The following TAFA1 variants were observed in gnomAD, a reference collection of about 807,000 sequenced individuals.
TAFA1 encodes TAFA chemokine like family member 1, also known as chemokine-like protein TAFA-1.
Under a neutral mutation model 18.5 loss-of-function variants are expected in TAFA1, and 4 were observed. That is an observed-to-expected ratio of 0.22 (90% CI 0.11 to 0.49). The LOEUF is 0.49. Among genes scored for constraint, TAFA1 ranks in the 20% least tolerant of loss-of-function variants. The probability of loss-of-function intolerance (pLI) is 0.98; values close to 1 mark genes in which losing one functional copy is unlikely to be tolerated. For synonymous variants in TAFA1, 56 were observed against 55.2 expected, an observed-to-expected ratio of 1.01 and a Z score of -0.06; for missense variants, 147 against 169.0, an observed-to-expected ratio of 0.87 and a Z score of 0.72.
intron 3 of TAFA1, among the ~76,000 whole-genome samples, chr3:68,523,795 G>A (rs572739249): frequency 9.2e-5 from 14 of 152,096 alleles, no homozygotes; most frequent in African/African-American, 3.4e-4. Flanking sequence ...TAAATCCAAG[G>A]GCAAAATGCA....
intron 2 of TAFA1, among the ~76,000 whole-genome samples, chr3:68,199,111 T>C (rs2066444862): frequency 6.6e-6 from 1 of 151,602 alleles, no homozygotes; most frequent in African/African-American, 2.4e-5. Flanking sequence ...GTTTCAATCT[T>C]ATTTGTTAAC....
At chr3:68,335,354 A>G (rs1249879874) in intron 2 of TAFA1, among the ~76,000 whole-genome samples, 1 of 152,208 alleles carries the variant, frequency 6.6e-6, no homozygotes. Context: ...TTGGGCTTCA[A>G]CTCTGAGTCT....
At chr3:68,482,031 GA>G (rs1338454300) in intron 3 of TAFA1, among the ~76,000 whole-genome samples, 2 of 152,150 alleles carry the variant, frequency 1.3e-5, no homozygotes, top group Non-Finnish European at 1.5e-5. Context: ...TGTTTTCTGA[GA>G]CGGAGTCTCG....
chr3:68,478,916 G>GTATATATA (rs71112646), intron 3 of TAFA1, among the ~76,000 whole-genome samples: 25 of 146,714 alleles, frequency 1.7e-4, no homozygotes, highest in African/African-American at 3.0e-4. Flanking sequence ...GTATATGTGT[G>GTATATATA]TATATATATA....
chr3:67,997,783 A>T, the TAFA1 span, among the ~76,000 whole-genome samples: 1 of 152,128 alleles, frequency 6.6e-6, no homozygotes, highest in Non-Finnish European at 1.5e-5. Flanking sequence ...GATCCTATAG[A>T]AAAAGAAAGG....
At chr3:68,000,356 T>G (rs1480811403), upstream of TAFA1, among the ~76,000 whole-genome samples, 1 of 152,168 alleles carries the variant, frequency 6.6e-6, no homozygotes, top group Non-Finnish European at 1.5e-5. Context: ...GTATTTAAGA[T>G]TCTAGAGGTG....
At chr3:68,324,587 T>C (rs922151776) in intron 2 of TAFA1, among the ~76,000 whole-genome samples, 5 of 152,186 alleles carry the variant, frequency 3.3e-5, no homozygotes, top group South Asian at 2.1e-4. Context: ...TTGCCCTGAA[T>C]TGAATGCTCA....
At chr3:68,075,681 T>C (rs1373854731) in intron 2 of TAFA1, among the ~76,000 whole-genome samples, 3 of 150,628 alleles carry the variant, frequency 2.0e-5, no homozygotes, top group African/African-American at 7.3e-5. Context: ...CAAGAACGAC[T>C]ATCTTTTCTT....
intron 2 of TAFA1, among the ~76,000 whole-genome samples, chr3:68,376,416 C>T (rs990352917): frequency 6.6e-6 from 1 of 152,024 alleles, no homozygotes; most frequent in African/African-American, 2.4e-5. Flanking sequence ...CACCATCTAC[C>T]CTCAAGTAGG....
intron 2 of TAFA1, among the ~76,000 whole-genome samples, chr3:68,357,950 C>A (rs2069396513): frequency 6.6e-6 from 1 of 151,914 alleles, no homozygotes; most frequent in Non-Finnish European, 1.5e-5. Flanking sequence ...AGATGTTACA[C>A]AAAATGTTTA....
intron 2 of TAFA1, among the ~76,000 whole-genome samples, chr3:68,093,379 G>T (rs2065050433): frequency 1.3e-5 from 2 of 152,056 alleles, no homozygotes; most frequent in Non-Finnish European, 2.9e-5. Context: ...TGTTAAACTA[G>T]TTTCCATCCC....
intron 2 of TAFA1, among the ~76,000 whole-genome samples, chr3:68,100,583 C>A (rs1223837508): frequency 6.6e-6 from 1 of 152,180 alleles, no homozygotes; most frequent in Non-Finnish European, 1.5e-5. Flanking sequence ...TTAGACTCCA[C>A]TCAGCTCAAT....
chr3:68,154,095 G>C (rs1271450822), intron 2 of TAFA1, among the ~76,000 whole-genome samples: 1 of 152,094 alleles, frequency 6.6e-6, no homozygotes, highest in Non-Finnish European at 1.5e-5. Flanking sequence ...TTGTCTGATT[G>C]CTTATTTGGC....
At chr3:68,037,737 T>C (rs963000917) in intron 2 of TAFA1, among the ~76,000 whole-genome samples, 6 of 152,144 alleles carry the variant, frequency 3.9e-5, no homozygotes, top group Non-Finnish European at 7.4e-5. Flanking sequence ...GAGAGATCAC[T>C]CCAGAGGCAA....
At chr3:68,348,375 A>G (rs1575795769) in intron 2 of TAFA1, among the ~76,000 whole-genome samples, 2 of 152,282 alleles carry the variant, frequency 1.3e-5, no homozygotes, top group Non-Finnish European at 2.9e-5. Flanking sequence ...ATTCCAAGCC[A>G]GAGTACACAG....
At chr3:68,006,560 T>G in intron 1 of TAFA1, 64 bp from the exon 2 acceptor site, 1 of 1,040,586 alleles carries the variant, frequency 9.6e-7, no homozygotes, top group East Asian at 2.4e-5. Context: ...CCCTCATCAG[T>G]GGGGCTGACT....
At chr3:68,218,725 C>G (rs2066692681) in intron 2 of TAFA1, among the ~76,000 whole-genome samples, 1 of 152,110 alleles carries the variant, frequency 6.6e-6, no homozygotes. Context: ...GCTTAATTAA[C>G]CTGAGAAACA....
At chr3:68,032,773 A>G (rs183449728) in intron 2 of TAFA1, among the ~76,000 whole-genome samples, 2 of 152,206 alleles carry the variant, frequency 1.3e-5, no homozygotes, top group Admixed American at 6.6e-5. Context: ...TCACCCTCAT[A>G]TCATCCTGTC....
intron 2 of TAFA1, among the ~76,000 whole-genome samples, chr3:68,101,989 G>A (rs1011215316): frequency 6.6e-6 from 1 of 152,170 alleles, no homozygotes; most frequent in African/African-American, 2.4e-5. Context: ...TCAAGGTGCG[G>A]TAGGGTCAGA....
Sources: allele counts gnomAD v4.1 joint callset (sites outside exome capture counted in the v4.1 genomes callset), GRCh38; gene constraint gnomAD v4.1.1; transcripts MANE v1.5; gene names NCBI Gene and HGNC (gene_info 2026-07-23, HGNC 2026-07-21).